FAHD1: variants seen among roughly 807,000 people sequenced by gnomAD.
FAHD1 encodes FAH domain containing oxaloacetate decarboxylase 1.
Under a neutral mutation model 12.7 loss-of-function variants are expected in FAHD1, and 14 were observed. That is an observed-to-expected ratio of 1.10 (90% confidence interval 0.73 to 1.72). The LOEUF (loss-of-function observed/expected upper bound fraction) is 1.72. Ranked by LOEUF, FAHD1 falls within the 40% of genes most tolerant of loss-of-function variation. The pLI, the probability that FAHD1 is intolerant of heterozygous loss-of-function variation, is 0.00. For missense variants in FAHD1, 351 were observed against 298.9 expected (o/e 1.17, Z -1.29); for synonymous variants, 153 against 124.9 (o/e 1.22, Z -1.50).
exon 3 of FAHD1, chr16:1,839,396 G>A: frequency 6.2e-7 from 1 of 1,613,804 alleles, no homozygotes; most frequent in Non-Finnish European, 8.5e-7. Flanking sequence ...TGCAAGTTGT[G>A]CACATGTTAG....
exon 1 of FAHD1, chr16:1,827,661 C>A (rs1402667961): frequency 6.2e-7 from 1 of 1,614,136 alleles, no homozygotes; most frequent in South Asian, 1.1e-5. Flanking sequence ...CTGACCCTCA[C>A]AAGCTGAAGC....
exon 2 of FAHD1, chr16:1,838,059 C>G (rs1596962227): frequency 9.1e-7 from 1 of 1,097,722 alleles, no homozygotes; most frequent in East Asian, 2.6e-5. Flanking sequence ...TGCAGCAGTG[C>G]TATCACAGCT....
At chr16:1,836,388 TC>T (rs1898749811) in intron 1 of FAHD1, among the ~76,000 whole-genome samples, 1 of 152,192 alleles carries the variant, frequency 6.6e-6, no homozygotes, top group South Asian at 2.1e-4. Flanking sequence ...ACTCTTAAGT[TC>T]CCATGAACTT....
exon 1 of FAHD1, chr16:1,828,600 G>C: frequency 1.0e-6 from 1 of 999,062 alleles, no homozygotes. Flanking sequence ...CTTAGATTTG[G>C]TCATCATCAG....
At chr16:1,831,126 G>T (rs1898614790), downstream of FAHD1, among the ~76,000 whole-genome samples, 1 of 152,138 alleles carries the variant, frequency 6.6e-6, no homozygotes, top group South Asian at 2.1e-4. Context: ...TTCTTCTGTT[G>T]TGTTTTTAAA....
At chr16:1,827,404 ATCC>A in exon 1 of FAHD1, 1 of 1,611,318 alleles carries the variant, frequency 6.2e-7, no homozygotes, top group South Asian at 1.1e-5. Context: ...GGGCTCGCCC[ATCC>A]TCATGCCCGC....
intron 1 of FAHD1, among the ~76,000 whole-genome samples, chr16:1,836,640 T>C (rs1898756518): frequency 2.0e-5 from 3 of 151,868 alleles, no homozygotes; most frequent in Admixed American, 6.6e-5. Context: ...GTCTGCAAAC[T>C]ATTCAGATGT....
chr16:1,831,899 C>T (rs3895165), downstream of FAHD1, among the ~76,000 whole-genome samples: 26,998 of 151,978 alleles, frequency 0.18, 2,557 homozygotes, highest in South Asian at 0.27. Context: ...AAACCATCCC[C>T]GCCCCCCGAC....
downstream of FAHD1, among the ~76,000 whole-genome samples, chr16:1,832,093 T>C (rs1898629806): frequency 6.6e-6 from 1 of 151,848 alleles, no homozygotes; most frequent in South Asian, 2.1e-4. Context: ...GAAAAAAAAC[T>C]ACCATGTTGC....
At chr16:1,827,217 A>G (rs760027708) in exon 1 of FAHD1, 4 of 1,593,132 alleles carry the variant, frequency 2.5e-6, no homozygotes, top group Admixed American at 1.7e-5. Flanking sequence ...CCACGTGACT[A>G]CAGGGGCACT....
chr16:1,837,808 C>A, intron 1 of FAHD1: 2 of 1,534,932 alleles, frequency 1.3e-6, no homozygotes, highest in Non-Finnish European at 1.8e-6. Flanking sequence ...TGCTTCTTTC[C>A]AAGAGAAATT....
chr16:1,832,320 T>TTG, downstream of FAHD1, among the ~76,000 whole-genome samples: 1 of 149,128 alleles, frequency 6.7e-6, no homozygotes, highest in Non-Finnish European at 1.5e-5. Context: ...ACAGGCGCCC[T>TTG]CCACCACACC....
At chr16:1,837,983 A>C in intron 1 of FAHD1, 1 of 1,440,688 alleles carries the variant, frequency 6.9e-7, no homozygotes, top group Non-Finnish European at 9.2e-7. Flanking sequence ...TATTTGCAGT[A>C]ATTACAGCTC....
At chr16:1,832,519 C>T (rs62038398), downstream of FAHD1, among the ~76,000 whole-genome samples, 26,807 of 150,724 alleles carry the variant, frequency 0.18, 2,528 homozygotes, top group South Asian at 0.27. Context: ...GGCACGGTGG[C>T]TCACGCCTGT....
chr16:1,831,194 C>T (rs117285973), downstream of FAHD1, among the ~76,000 whole-genome samples: 127 of 152,244 alleles, frequency 8.3e-4, no homozygotes, highest in Middle Eastern at 3.4e-3. Context: ...TAATATATCA[C>T]GAACATATTT....
At chr16:1,835,542 A>G (rs1030490234) in intron 1 of FAHD1, among the ~76,000 whole-genome samples, 1 of 152,170 alleles carries the variant, frequency 6.6e-6, no homozygotes, top group Non-Finnish European at 1.5e-5. Flanking sequence ...ACTGGGAAAG[A>G]CTTTAAGTGG....
At chr16:1,839,189 TA>T (rs1372301932) in intron 2 of FAHD1, 60 of 1,459,748 alleles carry the variant, frequency 4.1e-5, no homozygotes, top group East Asian at 4.8e-5. Context: ...AAACAACCTA[TA>T]TTTTTTTGGG....
At chr16:1,828,310 A>C in exon 1 of FAHD1, 8 of 1,007,500 alleles carry the variant, frequency 7.9e-6, no homozygotes, top group Non-Finnish European at 9.6e-6. Flanking sequence ...ATTTATTTTA[A>C]AAATGATTAG....
chr16:1,829,089 T>C (rs554461252), downstream of FAHD1, among the ~76,000 whole-genome samples: 43 of 152,302 alleles, frequency 2.8e-4, no homozygotes, highest in African/African-American at 1.0e-3. Context: ...GGAAGTTGAA[T>C]AGCCTGGGAC....
Sources: gnomAD v4.1 joint callset for allele counts (sites outside exome capture counted in the v4.1 genomes callset) on GRCh38, gnomAD v4.1.1 for gene constraint, MANE v1.5 for transcripts, NCBI Gene and HGNC (gene_info 2026-07-23, HGNC 2026-07-21) for gene names.